The following ARMH3 variants were observed in gnomAD, a reference collection of about 807,000 sequenced individuals.
ARMH3 encodes the protein armadillo-like helical domain-containing protein 3.
ARMH3 carries 60 observed loss-of-function variants against 99.1 expected under a neutral mutation model. The ratio of observed to expected loss-of-function variants is 0.61; its 90% CI spans 0.49 to 0.75. The LOEUF (loss-of-function observed/expected upper bound fraction) is 0.75, where lower values mean the gene tolerates loss of function less well. Ranked by LOEUF, ARMH3 falls within the 30% of genes least tolerant of loss-of-function variation. ARMH3 has a pLI of 0.00. For missense variants in ARMH3, 679 were observed against 843.1 expected (o/e 0.81, Z 2.41); for synonymous variants, 285 against 292.8 (o/e 0.97, Z 0.27).
intron 4 of ARMH3, among the ~76,000 whole-genome samples, chr10:102,029,983 T>C (rs576747607): frequency 5.9e-5 from 9 of 151,930 alleles, no homozygotes; most frequent in African/African-American, 2.2e-4. Flanking sequence ...TGCAGTGGCA[T>C]AATCACAGCT....
intron 8 of ARMH3, 84 bp downstream of exon 8, chr10:102,023,393 T>C (rs1489556161): frequency 2.4e-6 from 3 of 1,250,004 alleles, no homozygotes; most frequent in Middle Eastern, 1.9e-4. Context: ...GAACGTCTTC[T>C]ACATTAAGCA....
In ARMH3 at chr10:101,849,778, G is replaced by A. The variant is rs764571273; in HGVS notation, c.1975C>T (p.Leu659=). The change falls in exon 25 of 26, where the codon CTG becomes TTG. Residue 659 remains leucine, a splice_region_variant and synonymous_variant. Transcript: ENST00000370033. ...QHKEAAFFKE[L]VRSISTNVRR... ...GGCAGAGGCGGTGGGGCACTCACCA[G>A]CTCTTTGAAGAAGGCAGCTTCCTTG... 1.9e-6 allele frequency: 3 copies of A among 1,613,590 alleles called. No individual in the cohort carries two copies. The South Asian group carries it at 3.3e-5, about 18-fold the overall frequency.
chr10:102,049,853 G>A (rs975744661), intron 1 of ARMH3, among the ~76,000 whole-genome samples: 8 of 151,726 alleles, frequency 5.3e-5, no homozygotes, highest in East Asian at 3.9e-4. Flanking sequence ...CACTGCACCC[G>A]GCCCCAACCT....
intron 23 of ARMH3, among the ~76,000 whole-genome samples, chr10:101,918,119 G>T (rs1409618958): frequency 6.6e-6 from 1 of 151,998 alleles, no homozygotes; most frequent in Non-Finnish European, 1.5e-5. Flanking sequence ...TGCAATCTTG[G>T]CTCGGCTGAC....
intron 24 of ARMH3, among the ~76,000 whole-genome samples, chr10:101,876,403 T>C (rs188415135): frequency 6.6e-5 from 10 of 152,244 alleles, no homozygotes; most frequent in Admixed American, 4.6e-4. Flanking sequence ...AGAGAAAACA[T>C]TGTCTTTGTT....
At chr10:102,027,195 C>T (rs1204556138) in intron 5 of ARMH3, among the ~76,000 whole-genome samples, 1 of 150,518 alleles carries the variant, frequency 6.6e-6, no homozygotes, top group Non-Finnish European at 1.5e-5. Flanking sequence ...AGGAGAATCG[C>T]TTGAACCCAG....
At position 102,029,717 on chromosome 10, in the gene ARMH3, T is replaced by C. The variant is rs778659421; in HGVS notation, c.335A>G (p.His112Arg). The C allele has an allele frequency of 1.2e-6, 2 of 1,614,134 alleles. No homozygotes were observed. Among genetic ancestry groups the C allele is most frequent in the Admixed American group, 1.7e-5 (1 of 60,006 alleles). The change falls in exon 5 of 26, where the codon CAT becomes CGT. Residue 112 changes from histidine (H) to arginine (R), a missense_variant. His to Arg is a conservative substitution (Grantham distance 29). Around this residue, in one of 3 missense-constraint regions of ARMH3, gnomAD observed 280 missense variants for 354.6 expected, o/e 0.79. Transcript: ENST00000370033. ...QTLCALIRGV[H>R]QKNKSTSGFD... ...CCCAGAGGTAGACTTATTCTTTTGA[T>C]GGACTCCTCGAATGAGTGCGCACAG...
intron 14 of ARMH3, among the ~76,000 whole-genome samples, chr10:102,004,519 T>C (rs2066439253): frequency 6.6e-6 from 1 of 152,172 alleles, no homozygotes; most frequent in African/African-American, 2.4e-5. Context: ...TGTAGGTAAG[T>C]AAGCACAAAT....
chr10:101,937,519 CAAAA>C (rs1231569417), intron 23 of ARMH3, among the ~76,000 whole-genome samples: 6 of 92,650 alleles, frequency 6.5e-5, no homozygotes, highest in Non-Finnish European at 4.7e-5. Context: ...ACCCTGTCTC[CAAAA>C]AAAAAAAAAA....
intron 2 of ARMH3, among the ~76,000 whole-genome samples, chr10:102,035,380 CTCTCCCT>C (rs559699511): frequency 2.1e-3 from 317 of 152,116 alleles, no homozygotes; most frequent in Non-Finnish European, 3.6e-3. Flanking sequence ...AGAAAACAAG[CTCTCCCT>C]TCTCCCTTCT....
chr10:101,950,651 A>G (rs575481131), intron 22 of ARMH3, among the ~76,000 whole-genome samples: 6 of 152,384 alleles, frequency 3.9e-5, no homozygotes, highest in Non-Finnish European at 8.8e-5. Flanking sequence ...TCATGGATAC[A>G]ACATGGATAA....
intron 20 of ARMH3, among the ~76,000 whole-genome samples, chr10:101,970,327 G>C (rs954625474): frequency 3.3e-5 from 5 of 152,158 alleles, no homozygotes; most frequent in African/African-American, 9.7e-5. Flanking sequence ...AACTAAGGTG[G>C]ATGGCTGGCC....
At chr10:101,977,621 T>C (rs530114099) in intron 19 of ARMH3, among the ~76,000 whole-genome samples, 2 of 152,244 alleles carry the variant, frequency 1.3e-5, no homozygotes, top group Admixed American at 1.3e-4. Context: ...GCAAATGTAA[T>C]ATTATTAAAA....
chr10:102,045,149 AG>A (rs2067517674), intron 1 of ARMH3, among the ~76,000 whole-genome samples: 2 of 151,074 alleles, frequency 1.3e-5, no homozygotes, highest in African/African-American at 2.4e-5. Flanking sequence ...AAAAAAAAAA[AG>A]AGCGAAACAA....
rs1564877543 is a variant in ARMH3 at position 102,040,143 on chromosome 10, C to T, written c.-11-18G>A. 1.3e-6 allele frequency: 2 copies of T among 1,583,840 alleles called. No homozygotes were observed. The highest frequency in any genetic ancestry group is 1.7e-6 in the Non-Finnish European group (2 of 1,152,474). On this transcript the variant is annotated intron_variant, in intron 1 of 25. Coordinates refer to ENST00000370033, the MANE Select transcript of ARMH3 (RefSeq NM_024541.3). ...TAGAGAATCTGTGAACAGAAAGTCA[C>T]ATTTTAGAATAGTGAAAATACTCAG...
intron 8 of ARMH3, among the ~76,000 whole-genome samples, chr10:102,022,812 C>G (rs1005677707): frequency 7.9e-5 from 12 of 151,160 alleles, no homozygotes; most frequent in African/African-American, 1.4e-4. Context: ...GATCTCCTGA[C>G]CTCGTGATCC....
chr10:101,981,097 G>A (rs1383036731), intron 19 of ARMH3, among the ~76,000 whole-genome samples: 1 of 151,816 alleles, frequency 6.6e-6, no homozygotes, highest in African/African-American at 2.4e-5. Context: ...CGGAGGATGG[G>A]TCAATAGGCC....
intron 16 of ARMH3, 66 bp from the exon 17 acceptor site, chr10:101,993,669 C>T: frequency 9.0e-7 from 1 of 1,106,950 alleles, no homozygotes; most frequent in Non-Finnish European, 1.3e-6. Context: ...ATCTATCACA[C>T]TTCGTACAAA....
At chr10:101,931,900 A>T (rs549796370) in intron 23 of ARMH3, among the ~76,000 whole-genome samples, 1 of 152,366 alleles carries the variant, frequency 6.6e-6, no homozygotes, top group Non-Finnish European at 1.5e-5. Context: ...AAGCGAAAAA[A>T]TAGCTAAGTT....
Sources: allele counts gnomAD v4.1 joint callset (sites outside exome capture counted in the v4.1 genomes callset), GRCh38; gene constraint gnomAD v4.1.1; regional missense constraint gnomAD v4.1.1; transcripts MANE v1.5; gene names NCBI Gene and HGNC (gene_info 2026-07-23, HGNC 2026-07-21).